Variants in GAK observed in about 807,000 individuals in gnomAD.
The protein encoded by GAK is cyclin-G-associated kinase.
Under a neutral mutation model 143.9 loss-of-function variants are expected in GAK, and 79 were observed. The ratio of observed to expected loss-of-function variants is 0.55; its 90% CI spans 0.46 to 0.66. The LOEUF (loss-of-function observed/expected upper bound fraction) is 0.66. GAK is among the 30% of genes least tolerant of loss of function. The probability of loss-of-function intolerance (pLI) is 0.00; values close to 1 mark genes in which losing one functional copy is unlikely to be tolerated. For missense variants in GAK, 1,693 were observed against 1,779.7 expected (o/e 0.95, Z 0.88); for synonymous variants, 881 against 765.5 (o/e 1.15, Z -2.49).
chr4:891,784 G>A (rs1385382879), intron 9 of GAK, among the ~76,000 whole-genome samples: 3 of 152,130 alleles, frequency 2.0e-5, no homozygotes, highest in African/African-American at 2.4e-5. Context: ...GCCACCAAGC[G>A]AGGGGGACAC....
chr4:866,417 G>A lies in GAK; in HGVS notation c.2990C>T (p.Pro997Leu), dbSNP rs200039965. ...SDSVTVPPSF[P>L]SAHSAPPPSC... is the part of the protein sequence containing the mutation. ...TGGGGGCGGAGCACTGTGGGCAGAC[G>A]GGAAGGATGGTGGGACGGTCACAGA... The change falls in exon 22 of 28, where the codon CCG becomes CTG. Residue 997 changes from proline (P) to leucine (L), a missense_variant. Transcript: ENST00000314167. 665 of 1,613,972 alleles carry A rather than the reference G, an allele frequency of 4.1e-4. 3 individuals are homozygous for A. Among genetic ancestry groups the A allele is most frequent in the South Asian group, 2.9e-3 (262 of 91,086 alleles).
At chr4:876,745 A>G in intron 17 of GAK, 136 bp from the exon 18 acceptor site, 1 of 732,992 alleles carries the variant, frequency 1.4e-6, no homozygotes, top group Non-Finnish European at 2.4e-6. Context: ...CCCGTGCCAC[A>G]TGTTGTGGGG....
rs768344737 is a variant in GAK, at chr4:866,444, T to C, written c.2963A>G (p.Asp988Gly). 1.2e-6 allele frequency: 2 copies of C among 1,613,950 alleles called. No individual in the cohort carries two copies. The highest frequency in any genetic ancestry group is 2.2e-5 in the East Asian group (1 of 44,876). ...PDLFGEFLNS[D>G]SVTVPPSFPS... ...GAAGGATGGTGGGACGGTCACAGAG[T>C]CCGAATTGAGAAATTCGCCGAAGAG... The change falls in exon 22 of 28, where the codon GAC (aspartate) becomes GGC (glycine). Residue 988 changes from aspartate (D) to glycine (G), a missense_variant. Physicochemically the swap from Asp to Gly is moderately conservative, Grantham distance 94 (BLOSUM62 -1). Around this residue, in one of 2 missense-constraint regions of GAK, gnomAD observed 822 missense variants for 788.7 expected, o/e 1.04. Transcript: ENST00000314167.
At chr4:888,024 T>C (rs1716877351) in intron 11 of GAK, 1 of 152,292 alleles carries the variant, frequency 6.6e-6, no homozygotes. Flanking sequence ...CAGGCACAAG[T>C]GCACACACGT....
chr4:849,778 T>A lies in GAK; in HGVS notation c.3835-4A>T. 1 of 1,609,124 alleles carries A rather than the reference T, an allele frequency of 6.2e-7. No individual in the cohort carries two copies. Among genetic ancestry groups the A allele is most frequent in the Non-Finnish European group, 8.5e-7 (1 of 1,177,168 alleles). On this transcript the variant is annotated splice_region_variant and splice_polypyrimidine_tract_variant and intron_variant, in intron 27 of 27. Transcript: ENST00000314167. ...GCTCGTACGGCTGCCCCGCAGCCTATGGGTGACAGGCGGTGTAAGCGCCTC... is the reference window on the plus strand; with the variant it reads ...GCTCGTACGGCTGCCCCGCAGCCTAAGGGTGACAGGCGGTGTAAGCGCCTC...
At chr4:927,718 G>A (rs1725054797) in intron 1 of GAK, among the ~76,000 whole-genome samples, 1 of 135,762 alleles carries the variant, frequency 7.4e-6, no homozygotes. Context: ...GCACTGCCCC[G>A]CACCCCTCCC....
chr4:919,642 G>A (rs1577316526), intron 1 of GAK, among the ~76,000 whole-genome samples: 1 of 152,208 alleles, frequency 6.6e-6, no homozygotes, highest in Non-Finnish European at 1.5e-5. Flanking sequence ...GCTCCTCACC[G>A]CTTCTGCGAT....
chr4:909,118 A>G (rs569213287), intron 4 of GAK, among the ~76,000 whole-genome samples: 16 of 152,366 alleles, frequency 1.1e-4, no homozygotes, highest in Admixed American at 5.2e-4. Flanking sequence ...AAGTGCTAGG[A>G]TTACAGGCGT....
intron 23 of GAK, among the ~76,000 whole-genome samples, chr4:863,851 C>CAT (rs1392775826): frequency 2.0e-5 from 3 of 151,688 alleles, no homozygotes; most frequent in African/African-American, 7.3e-5. Flanking sequence ...AGTGAAACCT[C>CAT]ATCTCTACTA....
intron 1 of GAK, among the ~76,000 whole-genome samples, chr4:918,139 T>G (rs1420132395): frequency 6.6e-6 from 1 of 152,224 alleles, no homozygotes; most frequent in African/African-American, 2.4e-5. Flanking sequence ...TACTACATCA[T>G]GACCAGGTGG....
chr4:865,321 C>T, intron 22 of GAK, 77 bp from the exon 23 acceptor site: 2 of 1,588,570 alleles, frequency 1.3e-6, no homozygotes, highest in Non-Finnish European at 1.7e-6. Context: ...CCAGGCTGTG[C>T]TCAGGGCCCT....
chr4:874,011 C>T (rs1713275324), intron 18 of GAK, among the ~76,000 whole-genome samples: 1 of 152,088 alleles, frequency 6.6e-6, no homozygotes, highest in Non-Finnish European at 1.5e-5. Context: ...ATTTTTTGTT[C>T]CATTTTTCTT....
At position 867,032 on chromosome 4, in the gene GAK, C is replaced by T; in HGVS notation, c.2796G>A (p.Glu932=). 6.6e-7 allele frequency: 1 copy of T among 1,505,306 alleles called. No homozygotes were observed. The highest frequency in any genetic ancestry group is 8.9e-7 in the Non-Finnish European group (1 of 1,127,582). 93.2% of individuals were successfully genotyped at this position (1,505,306 alleles called of 1,614,324 possible). Residue 932 remains glutamate (E), a synonymous_variant, in exon 21 of 28, where the codon GAG becomes GAA. Transcript: ENST00000314167. ...CCGGGCTTGCCAGGAGCAGCGGGTC[C>T]TCGCTGAGCAGATCCTCCGGGGGCC... is the stretch of plus-strand genomic sequence containing the variant. ...SQGPPEDLLS[E]DPLLLASPAP...
chr4:911,333 G>A (rs1049368860), intron 4 of GAK, among the ~76,000 whole-genome samples: 13 of 152,012 alleles, frequency 8.6e-5, no homozygotes, highest in African/African-American at 2.9e-4. Flanking sequence ...AAGGACAGAC[G>A]CTCCTCCACC....
intron 9 of GAK, among the ~76,000 whole-genome samples, chr4:891,520 G>T (rs1717649589): frequency 6.6e-6 from 1 of 152,044 alleles, no homozygotes; most frequent in African/African-American, 2.4e-5. Flanking sequence ...GTTTTCTGGG[G>T]GAGTCGGTTG....
At chr4:902,959 C>CT (rs1339142962) in intron 5 of GAK, among the ~76,000 whole-genome samples, 2 of 152,380 alleles carry the variant, frequency 1.3e-5, no homozygotes, top group East Asian at 3.9e-4. Flanking sequence ...AAGGCAAAAT[C>CT]ACAACCCGTC....
chr4:890,336 G>A (rs978212494), intron 10 of GAK, among the ~76,000 whole-genome samples, 196 bp downstream of exon 10: 1 of 152,184 alleles, frequency 6.6e-6, no homozygotes, highest in South Asian at 2.1e-4. Flanking sequence ...CAAGACACCA[G>A]CTTTGCTGAG....
intron 7 of GAK, chr4:894,751 G>C (rs1257790604): frequency 6.6e-6 from 1 of 152,208 alleles, no homozygotes; most frequent in Admixed American, 6.5e-5. Context: ...GGGAGGCCGA[G>C]GCGGGTGGAT....
intron 4 of GAK, among the ~76,000 whole-genome samples, chr4:910,026 G>A (rs761362650): frequency 5.3e-5 from 8 of 152,126 alleles, no homozygotes; most frequent in Non-Finnish European, 1.0e-4. Flanking sequence ...GGGCCGCAGA[G>A]GGGCCTGGGC....
Sources: allele counts gnomAD v4.1 joint callset (sites outside exome capture counted in the v4.1 genomes callset), GRCh38; gene constraint gnomAD v4.1.1; regional missense constraint gnomAD v4.1.1; transcripts MANE v1.5; gene names NCBI Gene and HGNC (gene_info 2026-07-23, HGNC 2026-07-21).